PDE1A: variants seen among roughly 807,000 people sequenced by gnomAD.
The protein encoded by PDE1A is phosphodiesterase 1A.
In PDE1A, 35 loss-of-function variants were observed where a neutral mutation model predicts 61.7. The ratio of observed to expected loss-of-function variants is 0.57; its 90% CI spans 0.43 to 0.75. The LOEUF is 0.75. Among genes scored for constraint, PDE1A ranks in the 30% least tolerant of loss-of-function variants. The pLI, the probability that PDE1A is intolerant of heterozygous loss-of-function variation, is 0.00. For missense variants in PDE1A, 597 were observed against 630.6 expected (o/e 0.95, Z 0.57); for synonymous variants, 232 against 213.2 (o/e 1.09, Z -0.77).
chr2:182,149,643 G>C (rs1005236142), intron 13 of PDE1A, among the ~76,000 whole-genome samples: 2 of 151,994 alleles, frequency 1.3e-5, no homozygotes, highest in African/African-American at 4.8e-5. Flanking sequence ...AATTAACTTG[G>C]GCAGTACTGC....
the PDE1A span, among the ~76,000 whole-genome samples, chr2:182,579,079 A>G: frequency 6.6e-6 from 1 of 152,262 alleles, no homozygotes; most frequent in African/African-American, 2.4e-5. Context: ...AAGTGAATAA[A>G]TAACCTGAAA....
chr2:182,672,291 T>C, the PDE1A span, among the ~76,000 whole-genome samples: 6 of 152,334 alleles, frequency 3.9e-5, no homozygotes, highest in East Asian at 1.2e-3. Flanking sequence ...CATATTTTAC[T>C]TGACAAAACA....
At chr2:182,711,677 C>T in the PDE1A span, among the ~76,000 whole-genome samples, 2 of 152,100 alleles carry the variant, frequency 1.3e-5, no homozygotes, top group Non-Finnish European at 2.9e-5. Flanking sequence ...CCTGGATGAG[C>T]CTCGAACATC....
the PDE1A span, among the ~76,000 whole-genome samples, chr2:182,649,822 C>T: frequency 6.6e-6 from 1 of 152,092 alleles, no homozygotes; most frequent in African/African-American, 2.4e-5. Flanking sequence ...CTTGGCCAGG[C>T]TGGTCTTAAA....
chr2:182,143,459 C>T (rs1200435331), downstream of PDE1A, among the ~76,000 whole-genome samples: 4 of 151,958 alleles, frequency 2.6e-5, no homozygotes, highest in Admixed American at 2.6e-4. Context: ...CTTTACATAC[C>T]TTGTCAAAAA....
At chr2:182,196,076 A>G (rs550291985) in intron 10 of PDE1A, among the ~76,000 whole-genome samples, 39 of 152,212 alleles carry the variant, frequency 2.6e-4, no homozygotes, top group East Asian at 1.9e-3. Flanking sequence ...ACCTGTTGGA[A>G]TTAATATCAT....
chr2:182,542,502 A>G, the PDE1A span, among the ~76,000 whole-genome samples: 2 of 152,162 alleles, frequency 1.3e-5, no homozygotes, highest in Non-Finnish European at 1.5e-5. Flanking sequence ...GAATATATTA[A>G]ATTACATATA....
intron 1 of PDE1A, among the ~76,000 whole-genome samples, chr2:182,396,932 C>A (rs1701736610): frequency 6.6e-6 from 1 of 152,086 alleles, no homozygotes; most frequent in Non-Finnish European, 1.5e-5. Flanking sequence ...AAGTGAAAAG[C>A]AGTGTTTTTT....
At chr2:182,300,261 A>G (rs1395902974) in intron 1 of PDE1A, among the ~76,000 whole-genome samples, 1 of 152,188 alleles carries the variant, frequency 6.6e-6, no homozygotes, top group East Asian at 1.9e-4. Flanking sequence ...AAATATAAAT[A>G]AGCTTCAGGA....
chr2:182,453,393 T>A (rs1011704798), intron 2 of PDE1A, among the ~76,000 whole-genome samples: 1 of 151,858 alleles, frequency 6.6e-6, no homozygotes, highest in African/African-American at 2.4e-5. Context: ...GATGCCCGAT[T>A]TGGTCTACTT....
chr2:182,388,956 T>A (rs1304909801), intron 1 of PDE1A, among the ~76,000 whole-genome samples: 1 of 151,988 alleles, frequency 6.6e-6, no homozygotes, highest in Non-Finnish European at 1.5e-5. Flanking sequence ...AATGAGACAT[T>A]ACAACTGATA....
chr2:182,405,282 T>TC (rs1260457253), intron 1 of PDE1A, among the ~76,000 whole-genome samples: 1 of 152,212 alleles, frequency 6.6e-6, no homozygotes, highest in Non-Finnish European at 1.5e-5. Context: ...AAATTTATTG[T>TC]CACTCTTCTA....
exon 14 of PDE1A, chr2:182,168,049 G>A (rs546936989): frequency 7.9e-5 from 100 of 1,273,836 alleles, no homozygotes; most frequent in Non-Finnish European, 8.7e-5. Context: ...GAATCTGTTC[G>A]GTAGCAGTTG....
intron 1 of PDE1A, among the ~76,000 whole-genome samples, chr2:182,379,844 T>A (rs1700623962): frequency 6.6e-6 from 1 of 152,210 alleles, no homozygotes. Flanking sequence ...CCATCCTTGA[T>A]GGTCCAGGGA....
At chr2:182,546,607 C>A in the PDE1A span, among the ~76,000 whole-genome samples, 26 of 152,172 alleles carry the variant, frequency 1.7e-4, no homozygotes, top group African/African-American at 5.8e-4. Context: ...AGGAGTGGTT[C>A]TCATCCAAGA....
the PDE1A span, among the ~76,000 whole-genome samples, chr2:182,711,224 C>G: frequency 6.6e-6 from 1 of 152,000 alleles, no homozygotes; most frequent in African/African-American, 2.4e-5. Flanking sequence ...CTCAGGTGAG[C>G]AATCCAGTAT....
At chr2:182,240,325 T>TA in intron 2 of PDE1A, 33 bp from the exon 3 acceptor site, 1 of 1,371,522 alleles carries the variant, frequency 7.3e-7, no homozygotes, top group Non-Finnish European at 9.8e-7. Context: ...AACTTTTTTA[T>TA]AAAAAAGTGA....
intron 1 of PDE1A, among the ~76,000 whole-genome samples, chr2:182,365,327 C>T: frequency 1.3e-5 from 2 of 152,092 alleles, no homozygotes; most frequent in South Asian, 4.1e-4. Context: ...TAAAATAACT[C>T]ATTATTTCTA....
chr2:182,582,454 T>A, the PDE1A span, among the ~76,000 whole-genome samples: 2 of 152,112 alleles, frequency 1.3e-5, no homozygotes, highest in East Asian at 1.9e-4. Flanking sequence ...TAAAACAGTA[T>A]AACTGAAATT....
Sources: gnomAD v4.1 joint callset for allele counts (sites outside exome capture counted in the v4.1 genomes callset) on GRCh38, gnomAD v4.1.1 for gene constraint, MANE v1.5 for transcripts, NCBI Gene and HGNC (gene_info 2026-07-23, HGNC 2026-07-21) for gene names.